STX6: variants seen among roughly 807,000 people sequenced by gnomAD.
STX6 encodes syntaxin-6.
In STX6, 23 loss-of-function variants were observed where a neutral mutation model predicts 38.0. That is an observed-to-expected ratio of 0.60 (90% confidence interval 0.43 to 0.86). The LOEUF is 0.86. Ranked by LOEUF, STX6 falls within the 40% of genes least tolerant of loss-of-function variation. STX6 has a pLI of 0.00. For missense variants in STX6, 274 were observed against 312.9 expected (o/e 0.88, Z 0.94); for synonymous variants, 123 against 107.5 (o/e 1.14, Z -0.89).
At chr1:180,988,135 CT>C in intron 6 of STX6, 103 bp downstream of exon 6, 1 of 739,736 alleles carries the variant, frequency 1.4e-6, no homozygotes, top group Non-Finnish European at 2.3e-6. Flanking sequence ...AATAAAATAG[CT>C]TTTGATTTTA....
chr1:180,978,375 G>A (rs1655310765), intron 7 of STX6, among the ~76,000 whole-genome samples: 1 of 152,202 alleles, frequency 6.6e-6, no homozygotes, highest in Non-Finnish European at 1.5e-5. Context: ...AGGAACCAGT[G>A]TTCTGGTAGG....
chr1:180,973,537 C>T lies in STX6; in HGVS notation c.*3033G>A, dbSNP rs1396151217. 2 of 152,638 alleles carry T rather than the reference C, an allele frequency of 1.3e-5. No individual in the cohort carries two copies. Among genetic ancestry groups the T allele is most frequent in the African/African-American group, 4.8e-5 (2 of 41,446 alleles). 9.5% of individuals were successfully genotyped at this position (152,638 alleles called of 1,614,324 possible). On this transcript the variant is annotated 3_prime_UTR_variant, in exon 8 of 8. Transcript: ENST00000258301. ...GTGGAAGTTGCCAAGTTGTTGGCTA[C>T]CAGACCCATCAGTCTGTTTAACTCT...
chr1:181,012,218 T>C (rs1269073418), intron 1 of STX6, among the ~76,000 whole-genome samples: 1 of 152,208 alleles, frequency 6.6e-6, no homozygotes, highest in Non-Finnish European at 1.5e-5. Flanking sequence ...AACTTGCTGA[T>C]GACTTTCCTA....
intron 1 of STX6, among the ~76,000 whole-genome samples, chr1:181,006,955 T>C (rs2331992): frequency 0.31 from 47,209 of 152,142 alleles, 7,770 homozygotes; most frequent in Non-Finnish European, 0.36. Context: ...GTTCCTTTCA[T>C]GTCAGCCTTT....
chr1:181,004,886 T>C (rs2102321927), intron 2 of STX6, among the ~76,000 whole-genome samples: 1 of 151,598 alleles, frequency 6.6e-6, no homozygotes, highest in Middle Eastern at 3.5e-3. Flanking sequence ...GACCTGATGC[T>C]ATCTCCAAGT....
intron 3 of STX6, among the ~76,000 whole-genome samples, chr1:180,998,447 A>G (rs1246572234): frequency 6.6e-6 from 1 of 152,058 alleles, no homozygotes; most frequent in Non-Finnish European, 1.5e-5. Context: ...CAGTGGCACA[A>G]TCTCAGTTCA....
chr1:181,000,245 G>C (rs1360787726), intron 3 of STX6, among the ~76,000 whole-genome samples: 1 of 152,216 alleles, frequency 6.6e-6, no homozygotes, highest in East Asian at 1.9e-4. Flanking sequence ...GTACTGACTT[G>C]ATTTGGAATA....
chr1:180,976,669 T>C (rs1487690548), intron 7 of STX6, 23 bp from the exon 8 acceptor site: 3 of 1,609,840 alleles, frequency 1.9e-6, no homozygotes, highest in African/African-American at 2.7e-5. Flanking sequence ...ACATGGGGAT[T>C]AGCTCTCACA....
Position 181,019,355 on chromosome 1 carries a change from A to G in STX6, c.35+3284T>C, listed in dbSNP as rs202008804. 1.3e-4 allele frequency among the ~76,000 whole-genome samples: 20 copies of G among 148,280 alleles called. No homozygotes were observed. In the East Asian group the frequency reaches 3.7e-3, roughly 28 times the overall value. The stretch of plus-strand genomic sequence containing the variant: ...AGGTGTAGGCTGGAAATACAGAGGA[A>G]AAAAAAAAAAAAAACAGTCCCAAAC... On this transcript the variant is annotated intron_variant, in intron 1 of 7. Transcript: ENST00000258301.
At chr1:181,010,074 G>A (rs1254684256) in intron 1 of STX6, among the ~76,000 whole-genome samples, 1 of 152,146 alleles carries the variant, frequency 6.6e-6, no homozygotes, top group Non-Finnish European at 1.5e-5. Flanking sequence ...GCTCGACATG[G>A]GGGAAGGACC....
At chr1:180,976,766 G>A (rs553551275) in intron 7 of STX6, 120 bp from the exon 8 acceptor site, 2 of 890,084 alleles carry the variant, frequency 2.2e-6, no homozygotes, top group South Asian at 1.5e-5. Context: ...AAATGACGGG[G>A]CCATGATCTT....
At chr1:180,990,974 G>A (rs916976046) in intron 4 of STX6, among the ~76,000 whole-genome samples, 26 of 152,134 alleles carry the variant, frequency 1.7e-4, no homozygotes, top group Admixed American at 3.9e-4. Flanking sequence ...CACCAGCCCC[G>A]CAGGCAAGAG....
At chr1:181,012,355 A>T (rs576146760) in intron 1 of STX6, among the ~76,000 whole-genome samples, 15 of 152,356 alleles carry the variant, frequency 9.8e-5, no homozygotes, top group African/African-American at 3.4e-4. Flanking sequence ...AATCAGTTTC[A>T]TCTGATACAG....
intron 1 of STX6, among the ~76,000 whole-genome samples, chr1:181,011,694 G>A (rs1300505915): frequency 6.6e-6 from 1 of 152,186 alleles, no homozygotes; most frequent in Non-Finnish European, 1.5e-5. Context: ...GTTTTTATAA[G>A]AGAAGTGCCC....
intron 3 of STX6, among the ~76,000 whole-genome samples, chr1:181,000,044 G>A (rs933860326): frequency 2.0e-5 from 3 of 152,166 alleles, no homozygotes; most frequent in African/African-American, 7.2e-5. Flanking sequence ...CTTTCAACTA[G>A]AATTTATTAC....
At chr1:180,984,020 C>CAGTGA (rs2102303626) in intron 7 of STX6, among the ~76,000 whole-genome samples, 1 of 132,356 alleles carries the variant, frequency 7.6e-6, no homozygotes, top group East Asian at 2.4e-4. Context: ...GCCGAGATTA[C>CAGTGA]GCCACTGCAC....
At chr1:181,019,947 G>A (rs1340751127) in intron 1 of STX6, among the ~76,000 whole-genome samples, 1 of 152,126 alleles carries the variant, frequency 6.6e-6, no homozygotes. Context: ...TGGATCACAA[G>A]GTCAGGAGAT....
At chr1:180,979,111 A>G (rs1655334420) in intron 7 of STX6, among the ~76,000 whole-genome samples, 2 of 152,352 alleles carry the variant, frequency 1.3e-5, no homozygotes, top group South Asian at 4.1e-4. Context: ...TGGAAATTCT[A>G]GAATGAAAAA....
At chr1:181,016,965 G>A (rs568521865) in intron 1 of STX6, among the ~76,000 whole-genome samples, 1 of 152,014 alleles carries the variant, frequency 6.6e-6, no homozygotes, top group African/African-American at 2.4e-5. Context: ...CGGGCTACTC[G>A]GGAGGCAGAG....
Sources: gnomAD v4.1 joint callset for allele counts (sites outside exome capture counted in the v4.1 genomes callset) on GRCh38, gnomAD v4.1.1 for gene constraint, MANE v1.5 for transcripts, NCBI Gene and HGNC (gene_info 2026-07-23, HGNC 2026-07-21) for gene names.